The following TRIM33 variants were observed in gnomAD, a reference collection of about 807,000 sequenced individuals.
The protein encoded by TRIM33 is tripartite motif containing 33, also known as E3 ubiquitin-protein ligase TRIM33.
In TRIM33, 20 loss-of-function variants were observed where a neutral mutation model predicts 125.4. The observed-to-expected ratio is 0.16, with a 90% CI of 0.11 to 0.23. The LOEUF is 0.23. Ranked by LOEUF, TRIM33 falls within the 10% of genes least tolerant of loss-of-function variation. TRIM33 has a pLI of 1.00. For missense variants in TRIM33, 920 were observed against 1,411.4 expected (o/e 0.65, Z 5.58); for synonymous variants, 564 against 513.9 (o/e 1.10, Z -1.32).
Position 114,399,470 on chromosome 1 carries a change from TCA to T in TRIM33, c.3105_3106del (p.Cys1035Ter). ...AAGTTAACATACTTCATTAAACCTT[TCA>T]CAGTTCTTGAAGATCAAACGGACAT... On this transcript the variant is annotated stop_gained and frameshift_variant, in exon 18 of 20. Coordinates refer to ENST00000358465, the MANE Select transcript of TRIM33 (RefSeq NM_015906.4). LOFTEE classifies it high-confidence loss of function. 1 of 1,613,714 alleles carries T rather than the reference TCA, an allele frequency of 6.2e-7. No individual in the cohort carries two copies. Among genetic ancestry groups the T allele is most frequent in the Non-Finnish European group, 8.5e-7 (1 of 1,179,788 alleles).
At chr1:114,455,940 T>C (rs540900611) in intron 4 of TRIM33, among the ~76,000 whole-genome samples, 29 of 152,190 alleles carry the variant, frequency 1.9e-4, no homozygotes, top group South Asian at 1.7e-3. Flanking sequence ...ATGCCAGGGG[T>C]AGATAAGAGA....
At chr1:114,443,007 T>C (rs1319107468) in intron 4 of TRIM33, among the ~76,000 whole-genome samples, 1 of 151,870 alleles carries the variant, frequency 6.6e-6, no homozygotes. Flanking sequence ...AATTCAAAAG[T>C]CCAATTCTAA....
chr1:114,446,344 T>C (rs1648975896), intron 4 of TRIM33, among the ~76,000 whole-genome samples: 1 of 152,210 alleles, frequency 6.6e-6, no homozygotes, highest in Admixed American at 6.5e-5. Context: ...CAGCTTTTAC[T>C]TTCTCTTCTC....
intron 11 of TRIM33, among the ~76,000 whole-genome samples, chr1:114,413,583 AGAAAAAGACTTTTTCT>A (rs544763569): frequency 0.023 from 3,112 of 135,218 alleles, 52 homozygotes; most frequent in African/African-American, 0.028. Context: ...AGAAAAGAAA[AGAAAAAGACTTTTTCT>A]GAAAAGAAAA....
chr1:114,455,646 T>C (rs945664368), intron 4 of TRIM33, among the ~76,000 whole-genome samples: 2 of 152,104 alleles, frequency 1.3e-5, no homozygotes, highest in Non-Finnish European at 2.9e-5. Flanking sequence ...GATGAATAAA[T>C]TGAACACAGA....
rs1223878730 is a variant in TRIM33, at chr1:114,394,328, T to C, written c.*3320A>G. The C allele has an allele frequency of 1.3e-5, 3 of 226,374 alleles. No homozygotes were observed. The highest frequency in any genetic ancestry group is 2.6e-5 in the Non-Finnish European group (3 of 113,416). 14.0% of individuals were successfully genotyped at this position (226,374 alleles called of 1,614,324 possible). A position where few individuals can be genotyped will look rare whatever the true frequency, so the allele number is the denominator to read the frequency against. The stretch of plus-strand genomic sequence containing the variant: ...GACGGGGCCACAGCATCTACTCCCA[T>C]TTTGGATAGTAAGAGACCATTTAAT... On this transcript the variant is annotated 3_prime_UTR_variant, in exon 20 of 20. Coordinates refer to ENST00000358465, the MANE Select transcript of TRIM33 (RefSeq NM_015906.4).
intron 5 of TRIM33, among the ~76,000 whole-genome samples, chr1:114,433,216 CTCAT>C (rs1648078642): frequency 6.6e-6 from 1 of 152,178 alleles, no homozygotes; most frequent in South Asian, 2.1e-4. Context: ...TATAATGCTA[CTCAT>C]TAAGATAAGC....
chr1:114,479,243 A>G (rs938197105), intron 1 of TRIM33, among the ~76,000 whole-genome samples: 1 of 152,198 alleles, frequency 6.6e-6, no homozygotes, highest in African/African-American at 2.4e-5. Flanking sequence ...AAATAGAAAA[A>G]ATGTTTGAAG....
chr1:114,441,511 T>C (rs1266214613), intron 4 of TRIM33, among the ~76,000 whole-genome samples: 1 of 152,178 alleles, frequency 6.6e-6, no homozygotes, highest in Non-Finnish European at 1.5e-5. Flanking sequence ...ATTGGATACA[T>C]GCACAGAAGG....
At chr1:114,461,960 G>C (rs1441216740) in intron 4 of TRIM33, among the ~76,000 whole-genome samples, 1 of 152,142 alleles carries the variant, frequency 6.6e-6, no homozygotes, top group East Asian at 1.9e-4. Flanking sequence ...CCTTTATATA[G>C]TCAAATTTGA....
chr1:114,410,345 T>A (rs1425291525), intron 11 of TRIM33, 29 bp from the exon 12 acceptor site: 1 of 1,601,672 alleles, frequency 6.2e-7, no homozygotes. Context: ...AAGACAAATT[T>A]GCTTTGATTA....
chr1:114,488,176 G>A (rs1382807524), intron 1 of TRIM33, among the ~76,000 whole-genome samples: 1 of 151,980 alleles, frequency 6.6e-6, no homozygotes, highest in Non-Finnish European at 1.5e-5. Flanking sequence ...GCTATTCAAA[G>A]CACTCCAAAA....
intron 1 of TRIM33, among the ~76,000 whole-genome samples, chr1:114,485,974 T>C (rs1338390492): frequency 6.6e-6 from 1 of 152,122 alleles, no homozygotes; most frequent in African/African-American, 2.4e-5. Flanking sequence ...ATTATGAAAA[T>C]GCTTCAAAAA....
chr1:114,497,087 T>A (rs537518818), intron 1 of TRIM33, among the ~76,000 whole-genome samples: 5 of 152,366 alleles, frequency 3.3e-5, no homozygotes, highest in African/African-American at 4.8e-5. Flanking sequence ...GACAATTTTT[T>A]AAATTTTAAA....
chr1:114,510,664 G>A lies in TRIM33; in HGVS notation c.413C>T (p.Ala138Val), dbSNP rs747744734. ...CQQSLQSRRE[A>V]EPKLLPCLHS... ...AAGACAGGGCAGCAGCTTGGGCTCC[G>A]CCTCACGCCGGCTCTGCAAGCTCTG... is the stretch of plus-strand genomic sequence containing the variant. The change falls in exon 1 of 20, where the codon GCG becomes GTG. Residue 138 changes from alanine to valine, a missense_variant. Physicochemically the swap from Ala to Val is moderately conservative, Grantham distance 64 (BLOSUM62 0). Coordinates refer to ENST00000358465, the MANE Select transcript of TRIM33 (RefSeq NM_015906.4). 3 of 1,555,234 alleles carry A rather than the reference G, an allele frequency of 1.9e-6. No individual in the cohort carries two copies. The Admixed American group carries it at 5.7e-5, about 29-fold the overall frequency.
intron 1 of TRIM33, among the ~76,000 whole-genome samples, chr1:114,509,513 G>C (rs1570696771): frequency 6.6e-6 from 1 of 152,136 alleles, no homozygotes; most frequent in Non-Finnish European, 1.5e-5. Context: ...CCTTACACCT[G>C]GATCCCAAGA....
intron 1 of TRIM33, among the ~76,000 whole-genome samples, chr1:114,499,216 A>G (rs1652562582): frequency 6.6e-6 from 1 of 152,174 alleles, no homozygotes; most frequent in Non-Finnish European, 1.5e-5. Context: ...AGGCTCAGAA[A>G]TTATACTCTT....
intron 1 of TRIM33, among the ~76,000 whole-genome samples, chr1:114,467,787 A>T (rs1039956031): frequency 2.0e-5 from 3 of 152,228 alleles, no homozygotes; most frequent in Admixed American, 6.5e-5. Context: ...GCTGACTCTT[A>T]GCATGACCTA....
intron 4 of TRIM33, among the ~76,000 whole-genome samples, chr1:114,448,306 C>G (rs1264682354): frequency 6.6e-6 from 1 of 152,132 alleles, no homozygotes; most frequent in East Asian, 1.9e-4. Flanking sequence ...TAGAGGGAGT[C>G]TGTAGTTCTC....
Sources: allele counts gnomAD v4.1 joint callset (sites outside exome capture counted in the v4.1 genomes callset), GRCh38; gene constraint gnomAD v4.1.1; transcripts MANE v1.5; gene names NCBI Gene and HGNC (gene_info 2026-07-23, HGNC 2026-07-21).